The following CNTNAP5 variants were observed in gnomAD, a reference collection of about 807,000 sequenced individuals.
CNTNAP5 encodes contactin associated protein family member 5, also known as contactin-associated protein-like 5.
A neutral mutation model predicts 150.2 loss-of-function variants in CNTNAP5; 72 were observed. The ratio of observed to expected loss-of-function variants is 0.48; its 90% CI spans 0.40 to 0.58. CNTNAP5 has a LOEUF of 0.58. Ranked by LOEUF, CNTNAP5 falls within the 20% of genes least tolerant of loss-of-function variation. CNTNAP5 has a pLI of 0.00. For missense variants in CNTNAP5, 1,636 were observed against 1,626.2 expected (o/e 1.01, Z -0.10); for synonymous variants, 672 against 619.8 (o/e 1.08, Z -1.25).
At chr2:124,702,319 T>C (rs1318444559) in intron 13 of CNTNAP5, among the ~76,000 whole-genome samples, 1 of 146,080 alleles carries the variant, frequency 6.8e-6, no homozygotes, top group Non-Finnish European at 1.5e-5. Context: ...TGAAGAATTA[T>C]GATGTCCTTC....
At chr2:124,118,184 C>A (rs969478420) in intron 1 of CNTNAP5, among the ~76,000 whole-genome samples, 5 of 151,882 alleles carry the variant, frequency 3.3e-5, no homozygotes, top group African/African-American at 9.7e-5. Flanking sequence ...ATGTATATAT[C>A]TTTTTATATA....
chr2:124,395,267 A>C lies in CNTNAP5; in HGVS notation c.382-22176A>C, dbSNP rs115744196. ...TAATGTGCCATAGCAGTTCAGAGGA[A>C]ACAGAAAGCATGCCTCCCAAGAAGC... is the stretch of plus-strand genomic sequence containing the variant. On this transcript the variant is annotated intron_variant, in intron 3 of 23. Transcript: ENST00000682447. 5.7e-3 allele frequency among the ~76,000 whole-genome samples: 869 copies of C among 152,272 alleles called. 9 individuals carry two copies. Among genetic ancestry groups the C allele is most frequent in the African/African-American group, 0.02 (820 of 41,562 alleles).
At chr2:124,812,963 G>T (rs1682269858) in intron 19 of CNTNAP5, among the ~76,000 whole-genome samples, 1 of 152,148 alleles carries the variant, frequency 6.6e-6, no homozygotes. Context: ...CCTTACAAGA[G>T]CATTGGAGCT....
intron 21 of CNTNAP5, among the ~76,000 whole-genome samples, chr2:124,891,467 G>A (rs1440080971): frequency 2.0e-5 from 3 of 152,078 alleles, no homozygotes; most frequent in Non-Finnish European, 4.4e-5. Context: ...GCGTGATGAC[G>A]ATGATGATTA....
At chr2:124,857,223 G>A (rs1044350166) in intron 19 of CNTNAP5, among the ~76,000 whole-genome samples, 16 of 152,024 alleles carry the variant, frequency 1.1e-4, no homozygotes, top group African/African-American at 3.6e-4. Flanking sequence ...TTCTGTACTA[G>A]CCTTCACTGT....
At chr2:124,799,268 C>T (rs1681915272) in intron 19 of CNTNAP5, among the ~76,000 whole-genome samples, 1 of 152,158 alleles carries the variant, frequency 6.6e-6, no homozygotes, top group South Asian at 2.1e-4. Flanking sequence ...GTGGAATACA[C>T]TTCATGCAAG....
intron 14 of CNTNAP5, among the ~76,000 whole-genome samples, chr2:124,762,297 T>C (rs1394270903): frequency 6.6e-6 from 1 of 152,156 alleles, no homozygotes; most frequent in Non-Finnish European, 1.5e-5. Flanking sequence ...AGGTGAATAT[T>C]TGACTTATTC....
intron 1 of CNTNAP5, among the ~76,000 whole-genome samples, chr2:124,046,193 G>C (rs191650454): frequency 7.9e-4 from 120 of 152,218 alleles, no homozygotes; most frequent in Non-Finnish European, 1.7e-3. Context: ...GTGCTGAAGA[G>C]AGTGGGAAAG....
chr2:124,496,099 T>C (rs1049109015), intron 7 of CNTNAP5, among the ~76,000 whole-genome samples: 2 of 152,028 alleles, frequency 1.3e-5, no homozygotes, highest in African/African-American at 4.8e-5. Flanking sequence ...AGAATCAAGG[T>C]GGCCCATATG....
intron 8 of CNTNAP5, among the ~76,000 whole-genome samples, chr2:124,514,678 T>C (rs933321673): frequency 1.8e-4 from 28 of 151,960 alleles, no homozygotes; most frequent in African/African-American, 6.3e-4. Context: ...GCTGGATAGG[T>C]GAGAAAGGGA....
At chr2:124,591,597 A>G (rs1170550783) in intron 11 of CNTNAP5, among the ~76,000 whole-genome samples, 1 of 152,022 alleles carries the variant, frequency 6.6e-6, no homozygotes, top group Non-Finnish European at 1.5e-5. Context: ...TACATATTAC[A>G]CCGATATGTC....
At chr2:124,324,972 C>T (rs1233036660) in intron 3 of CNTNAP5, among the ~76,000 whole-genome samples, 1 of 152,170 alleles carries the variant, frequency 6.6e-6, no homozygotes, top group East Asian at 1.9e-4. Flanking sequence ...AAGAGTTTCA[C>T]ACTTAATGAA....
intron 18 of CNTNAP5, among the ~76,000 whole-genome samples, chr2:124,796,194 A>C (rs991525574): frequency 6.6e-6 from 1 of 152,218 alleles, no homozygotes; most frequent in African/African-American, 2.4e-5. Context: ...TTGGTTTGAC[A>C]TTTCTAATTA....
intron 13 of CNTNAP5, among the ~76,000 whole-genome samples, chr2:124,665,603 T>C (rs1324279623): frequency 2.0e-5 from 3 of 152,122 alleles, no homozygotes; most frequent in Admixed American, 6.6e-5. Context: ...CTAAAAAATA[T>C]TGGCCAGGCG....
chr2:124,419,152 A>AAAAAAAAAAAAAAAAC (rs772412223), intron 4 of CNTNAP5, among the ~76,000 whole-genome samples: 7 of 121,012 alleles, frequency 5.8e-5, no homozygotes, highest in Non-Finnish European at 1.1e-4. Context: ...AAAAAAAAAA[A>AAAAAAAAAAAAAAAAC]AAAAAAAAAA....
chr2:124,559,775 T>C (rs1164702124), intron 10 of CNTNAP5, among the ~76,000 whole-genome samples: 1 of 152,204 alleles, frequency 6.6e-6, no homozygotes, highest in Non-Finnish European at 1.5e-5. Flanking sequence ...CTCATGAAAC[T>C]GCCCCTTTTA....
At chr2:124,438,394 A>G (rs1200015698) in intron 5 of CNTNAP5, among the ~76,000 whole-genome samples, 2 of 152,188 alleles carry the variant, frequency 1.3e-5, no homozygotes, top group Non-Finnish European at 2.9e-5. Flanking sequence ...TTACGTGACA[A>G]GAGAACTGTT....
At chr2:124,095,594 C>T (rs1005565511) in intron 1 of CNTNAP5, among the ~76,000 whole-genome samples, 3 of 152,154 alleles carry the variant, frequency 2.0e-5, no homozygotes, top group Non-Finnish European at 2.9e-5. Flanking sequence ...GAAGCTAACC[C>T]TACTATCCCT....
chr2:124,496,952 CA>C (rs1694164229), intron 7 of CNTNAP5, among the ~76,000 whole-genome samples: 1 of 152,100 alleles, frequency 6.6e-6, no homozygotes, highest in South Asian at 2.1e-4. Context: ...GGTCTTTTTT[CA>C]ACAAAGAGTA....
Sources: allele counts gnomAD v4.1 joint callset (sites outside exome capture counted in the v4.1 genomes callset), GRCh38; gene constraint gnomAD v4.1.1; transcripts MANE v1.5; gene names NCBI Gene and HGNC (gene_info 2026-07-23, HGNC 2026-07-21).